Variants in DLG2 observed in about 807,000 individuals in gnomAD.
The protein encoded by DLG2 is discs large MAGUK scaffold protein 2, also known as disks large homolog 2.
A neutral mutation model predicts 132.5 loss-of-function variants in DLG2; 45 were observed. That is an observed-to-expected ratio of 0.34 (90% confidence interval 0.27 to 0.44). The LOEUF (loss-of-function observed/expected upper bound fraction) is 0.44, where lower values mean the gene tolerates loss of function less well. DLG2 is among the 20% of genes least tolerant of loss of function. DLG2 has a pLI of 1.00. For missense variants in DLG2, 1,045 were observed against 1,196.9 expected, an observed-to-expected ratio of 0.87 and a Z score of 1.87; for synonymous variants, 424 against 419.6, an observed-to-expected ratio of 1.01 and a Z score of -0.13.
chr11:84,232,476 T>A (rs1390904556), intron 8 of DLG2, among the ~76,000 whole-genome samples: 1 of 152,092 alleles, frequency 6.6e-6, no homozygotes, highest in Non-Finnish European at 1.5e-5. Flanking sequence ...ACCCTAAAAT[T>A]TTACCCCCCT....
intron 6 of DLG2, among the ~76,000 whole-genome samples, chr11:85,094,586 G>T (rs1048399828): frequency 6.6e-6 from 1 of 152,158 alleles, no homozygotes; most frequent in Non-Finnish European, 1.5e-5. Flanking sequence ...TAAACCTCAT[G>T]AAGCAACATC....
chr11:83,529,983 G>C (rs2095697432), intron 21 of DLG2, among the ~76,000 whole-genome samples: 1 of 152,088 alleles, frequency 6.6e-6, no homozygotes, highest in South Asian at 2.1e-4. Context: ...TTGGGGAAAA[G>C]GGCCCATGTT....
chr11:84,926,756 A>G (rs1027137106), intron 6 of DLG2, among the ~76,000 whole-genome samples: 1 of 152,032 alleles, frequency 6.6e-6, no homozygotes, highest in Non-Finnish European at 1.5e-5. Flanking sequence ...AGAGAAATAC[A>G]GATATAAGGA....
intron 3 of DLG2, among the ~76,000 whole-genome samples, chr11:85,355,888 T>G (rs368341935): frequency 6.6e-6 from 1 of 152,204 alleles, no homozygotes; most frequent in African/African-American, 2.4e-5. Context: ...AACTAGCTAA[T>G]GAGATTGTCC....
At chr11:84,570,548 C>T (rs1188472004) in intron 6 of DLG2, among the ~76,000 whole-genome samples, 2 of 152,112 alleles carry the variant, frequency 1.3e-5, no homozygotes, top group Non-Finnish European at 2.9e-5. Context: ...TAGTAAGTAC[C>T]ATCTGGTATA....
chr11:83,961,096 T>A (rs1245647045), intron 14 of DLG2, among the ~76,000 whole-genome samples: 3 of 152,078 alleles, frequency 2.0e-5, no homozygotes, highest in Admixed American at 6.6e-5. Flanking sequence ...TGTAAATAGA[T>A]AACATTCGTT....
chr11:85,269,453 G>A (rs930994412), intron 4 of DLG2, among the ~76,000 whole-genome samples: 43 of 152,198 alleles, frequency 2.8e-4, no homozygotes, highest in Admixed American at 8.5e-4. Flanking sequence ...AGGATTCCAT[G>A]ACTCCCCAAG....
chr11:84,140,701 T>C (rs973555520), intron 9 of DLG2, among the ~76,000 whole-genome samples: 2 of 152,146 alleles, frequency 1.3e-5, no homozygotes, highest in Admixed American at 6.6e-5. Context: ...TAAATGTATC[T>C]CTATCTACCT....
intron 6 of DLG2, among the ~76,000 whole-genome samples, chr11:84,717,570 T>C (rs2061367653): frequency 6.6e-6 from 1 of 152,076 alleles, no homozygotes; most frequent in South Asian, 2.1e-4. Context: ...TAAATGTACT[T>C]CATTTTATGA....
intron 21 of DLG2, among the ~76,000 whole-genome samples, chr11:83,520,307 T>C (rs1188391711): frequency 6.6e-6 from 1 of 152,240 alleles, no homozygotes; most frequent in Non-Finnish European, 1.5e-5. Flanking sequence ...TGTGAATGAA[T>C]GGAAACTGCA....
chr11:85,555,834 G>A (rs574499399), intron 3 of DLG2, among the ~76,000 whole-genome samples: 3 of 151,830 alleles, frequency 2.0e-5, no homozygotes, highest in South Asian at 4.2e-4. Context: ...TGCTCCAGGC[G>A]AGTGCCCTTT....
Position 84,233,949 on chromosome 11 carries a change from G to A in DLG2, c.573+17289C>T, listed in dbSNP as rs77731215. Among the ~76,000 whole-genome samples the A allele has an allele frequency of 7.0e-3, 1,060 of 152,286 alleles. 16 individuals carry two copies. Among genetic ancestry groups the A allele is most frequent in the African/African-American group, 0.022 (932 of 41,554 alleles). ...TAAATAGCAAAAACCTGACACTGGT[G>A]ATCAGCAGCTTCCTGACAAGATCTT... On this transcript the variant is annotated intron_variant, in intron 8 of 27. Coordinates refer to ENST00000376104, the MANE Select transcript of DLG2 (RefSeq NM_001142699.3).
At chr11:83,922,217 T>C (rs1316732244) in intron 15 of DLG2, among the ~76,000 whole-genome samples, 2 of 152,134 alleles carry the variant, frequency 1.3e-5, no homozygotes, top group Non-Finnish European at 2.9e-5. Context: ...ATTGAGACAA[T>C]GCATTAATAT....
chr11:84,068,607 A>G (rs2096712955), intron 10 of DLG2, among the ~76,000 whole-genome samples: 1 of 152,252 alleles, frequency 6.6e-6, no homozygotes, highest in South Asian at 2.1e-4. Flanking sequence ...AGTAATTATT[A>G]TTTAGATAAA....
chr11:84,197,929 C>T (rs938846992), intron 8 of DLG2, among the ~76,000 whole-genome samples: 7 of 152,088 alleles, frequency 4.6e-5, no homozygotes, highest in Admixed American at 6.5e-5. Context: ...ATGGCTTCAG[C>T]GGCCCCACAC....
At chr11:85,206,740 G>A (rs1164665790) in intron 4 of DLG2, among the ~76,000 whole-genome samples, 1 of 152,090 alleles carries the variant, frequency 6.6e-6, no homozygotes, top group Non-Finnish European at 1.5e-5. Flanking sequence ...GGCTGAGGAA[G>A]GGGAATTGCT....
rs141573147 is a variant in DLG2 at position 85,321,806 on chromosome 11, C to A, written c.41-36441G>T. On this transcript the variant is annotated intron_variant, in intron 3 of 27. Transcript: ENST00000376104. ...ATTGATAACACTGACAGGATCTTCG[C>A]AGGACAGGTTTAGTGACGTGGTCAG... 2.2e-3 allele frequency among the ~76,000 whole-genome samples: 332 copies of A among 152,032 alleles called. 1 individual carries two copies. The highest frequency in any genetic ancestry group is 7.8e-3 in the African/African-American group (322 of 41,518).
chr11:84,506,308 C>T (rs917132899), intron 7 of DLG2, among the ~76,000 whole-genome samples: 1 of 151,820 alleles, frequency 6.6e-6, no homozygotes, highest in Admixed American at 6.5e-5. Context: ...ATCTCCTGAC[C>T]TCGTGATCCG....
intron 6 of DLG2, among the ~76,000 whole-genome samples, chr11:84,629,304 A>C (rs980591548): frequency 1.3e-5 from 2 of 152,222 alleles, no homozygotes; most frequent in Non-Finnish European, 2.9e-5. Flanking sequence ...GATCAATACA[A>C]AATTATTTGA....
Sources: gnomAD v4.1 joint callset for allele counts (sites outside exome capture counted in the v4.1 genomes callset) on GRCh38, gnomAD v4.1.1 for gene constraint, MANE v1.5 for transcripts, NCBI Gene and HGNC (gene_info 2026-07-23, HGNC 2026-07-21) for gene names.